FAT3: variants seen among roughly 807,000 people sequenced by gnomAD.
The protein encoded by FAT3 is FAT atypical cadherin 3.
In FAT3, 95 loss-of-function variants were observed where a neutral mutation model predicts 310.2. That is an observed-to-expected ratio of 0.31 (90% confidence interval 0.26 to 0.36). The LOEUF is 0.36. Ranked by LOEUF, FAT3 falls within the 10% of genes least tolerant of loss-of-function variation. The pLI is 1.00. For synonymous variants in FAT3, 2,314 were observed against 2,192.9 expected (o/e 1.06, Z -1.54); for missense variants, 5,408 against 5,715.6 (o/e 0.95, Z 1.74).
chr11:92,446,740 C>T (rs1413800673), intron 2 of FAT3, among the ~76,000 whole-genome samples: 2 of 152,194 alleles, frequency 1.3e-5, no homozygotes, highest in Non-Finnish European at 2.9e-5. Context: ...TATTCGTAAT[C>T]CCACCCTAAT....
At chr11:92,628,041 C>T (rs551259739) in intron 3 of FAT3, among the ~76,000 whole-genome samples, 32 of 152,108 alleles carry the variant, frequency 2.1e-4, no homozygotes, top group Non-Finnish European at 2.6e-4. Context: ...ACACACAGGT[C>T]AGTATAGTCT....
At chr11:92,526,862 A>G (rs1326916623) in intron 3 of FAT3, among the ~76,000 whole-genome samples, 2 of 152,294 alleles carry the variant, frequency 1.3e-5, no homozygotes, top group Admixed American at 1.3e-4. Context: ...TATATAGCAT[A>G]CCTTGTAGTT....
intron 1 of FAT3, among the ~76,000 whole-genome samples, chr11:92,273,482 A>G (rs1410079203): frequency 1.3e-5 from 2 of 152,092 alleles, no homozygotes; most frequent in East Asian, 3.9e-4. Context: ...GACACACTGA[A>G]TTGCCATTTA....
intron 3 of FAT3, among the ~76,000 whole-genome samples, chr11:92,678,987 T>G (rs1420235896): frequency 6.6e-6 from 1 of 152,184 alleles, no homozygotes; most frequent in East Asian, 1.9e-4. Context: ...TTTTTTATCA[T>G]TTCACTCTCT....
intron 3 of FAT3, among the ~76,000 whole-genome samples, chr11:92,623,355 A>G (rs1022564675): frequency 6.6e-6 from 1 of 152,150 alleles, no homozygotes; most frequent in African/African-American, 2.4e-5. Flanking sequence ...TGCCTCCTCT[A>G]ATATCTTAAT....
intron 3 of FAT3, among the ~76,000 whole-genome samples, chr11:92,565,748 A>C (rs1285301413): frequency 6.6e-6 from 1 of 152,002 alleles, no homozygotes; most frequent in Non-Finnish European, 1.5e-5. Flanking sequence ...CAAATCAATA[A>C]ATGTAATCCA....
At position 92,633,529 on chromosome 11, in the gene FAT3, C is replaced by CA. The variant is rs562126369; in HGVS notation, c.3608-63854dup. On this transcript the variant is annotated intron_variant, in intron 3 of 27. Transcript: ENST00000525166. ...TTGACTAGTTCCACAGTGTGTCCTT[C>CA]ATTCTCTGTGTCCTCAAATTCAGAG... Among the ~76,000 whole-genome samples the CA allele has an allele frequency of 3.3e-5, 5 of 152,284 alleles. No homozygotes were observed. The South Asian group carries it at 1.0e-3, about 32-fold the overall frequency.
intron 3 of FAT3, among the ~76,000 whole-genome samples, chr11:92,573,258 G>A (rs1315006578): frequency 2.0e-5 from 3 of 152,124 alleles, no homozygotes; most frequent in African/African-American, 7.2e-5. Context: ...CTGAAGGAGT[G>A]ACTAACTCTG....
chr11:92,749,643 G>C (rs1565563297), intron 4 of FAT3, among the ~76,000 whole-genome samples: 1 of 152,148 alleles, frequency 6.6e-6, no homozygotes, highest in Non-Finnish European at 1.5e-5. Flanking sequence ...ACGGAGGTAG[G>C]AAAATACTCA....
intron 3 of FAT3, among the ~76,000 whole-genome samples, chr11:92,599,665 A>C (rs1939912380): frequency 6.6e-6 from 1 of 152,238 alleles, no homozygotes; most frequent in Non-Finnish European, 1.5e-5. Flanking sequence ...CAGAGATTAA[A>C]GTTCACATTC....
chr11:92,694,292 A>G (rs1943876814), intron 3 of FAT3, among the ~76,000 whole-genome samples: 1 of 152,138 alleles, frequency 6.6e-6, no homozygotes, highest in Non-Finnish European at 1.5e-5. Flanking sequence ...TTTATTTCAT[A>G]TCTATGAAAA....
intron 2 of FAT3, among the ~76,000 whole-genome samples, chr11:92,411,455 AGT>A (rs915291628): frequency 2.8e-4 from 43 of 152,138 alleles, no homozygotes; most frequent in African/African-American, 1.0e-3. Flanking sequence ...TGCTTCTGAA[AGT>A]GTGTCTACAT....
At chr11:92,334,536 G>T (rs574614088) in intron 1 of FAT3, among the ~76,000 whole-genome samples, 3 of 151,544 alleles carry the variant, frequency 2.0e-5, no homozygotes, top group Non-Finnish European at 2.9e-5. Flanking sequence ...AAAAGAGACT[G>T]ATCTATTGCC....
chr11:92,874,887 A>T (rs563971620), intron 22 of FAT3, among the ~76,000 whole-genome samples: 21 of 152,248 alleles, frequency 1.4e-4, no homozygotes, highest in Non-Finnish European at 2.8e-4. Flanking sequence ...CAGCCCCAGG[A>T]GTTGAGATGT....
At chr11:92,726,008 T>C (rs1288086721) in intron 4 of FAT3, among the ~76,000 whole-genome samples, 2 of 152,088 alleles carry the variant, frequency 1.3e-5, no homozygotes, top group Non-Finnish European at 2.9e-5. Context: ...TCAAATTTAC[T>C]AAGGAAAAAA....
rs548775 is a variant in FAT3 at position 92,506,760 on chromosome 11, A to G, written c.3293-17874A>G. On this transcript the variant is annotated intron_variant, in intron 2 of 27. Coordinates refer to ENST00000525166, the MANE Select transcript of FAT3 (RefSeq NM_001367949.2). Reference sequence around the variant, plus strand: ...TTCTTCCCCGGCTTGAAGAAACTGCATATCAATTTGTTTGCAAATCTCAAT... The same window carrying G: ...TTCTTCCCCGGCTTGAAGAAACTGCGTATCAATTTGTTTGCAAATCTCAAT... 3.8e-3 allele frequency among the ~76,000 whole-genome samples: 584 copies of G among 152,302 alleles called. 1 individual carries two copies. The highest frequency in any genetic ancestry group is 0.01 in the Middle Eastern group (3 of 294).
chr11:92,309,933 C>G (rs1426300578), intron 1 of FAT3, among the ~76,000 whole-genome samples: 1 of 149,096 alleles, frequency 6.7e-6, no homozygotes, highest in Non-Finnish European at 1.5e-5. Context: ...AGTTAGTGCT[C>G]GACTTCTGTA....
At chr11:92,483,989 G>A (rs925865809) in intron 2 of FAT3, among the ~76,000 whole-genome samples, 3 of 152,172 alleles carry the variant, frequency 2.0e-5, no homozygotes, top group Admixed American at 6.5e-5. Context: ...CTCACATGAG[G>A]GTGCTATGTC....
intron 4 of FAT3, among the ~76,000 whole-genome samples, chr11:92,752,671 C>G (rs1338123921): frequency 1.3e-5 from 2 of 152,152 alleles, no homozygotes; most frequent in Non-Finnish European, 2.9e-5. Context: ...TTATATATTG[C>G]TTTTTCTAGG....
Sources: allele counts gnomAD v4.1 joint callset (sites outside exome capture counted in the v4.1 genomes callset), GRCh38; gene constraint gnomAD v4.1.1; transcripts MANE v1.5; gene names NCBI Gene and HGNC (gene_info 2026-07-23, HGNC 2026-07-21).